The following ANTXRL variants were observed in gnomAD, a reference collection of about 807,000 sequenced individuals.
The protein encoded by ANTXRL is anthrax toxin receptor-like.
A neutral mutation model predicts 75.4 loss-of-function variants in ANTXRL; 63 were observed. The observed-to-expected ratio is 0.84, with a 90% CI of 0.68 to 1.03. The LOEUF is 1.03. ANTXRL is among the 50% of genes least tolerant of loss of function. The pLI is 0.00. For missense variants in ANTXRL, 797 were observed against 789.4 expected (o/e 1.01, Z -0.12); for synonymous variants, 335 against 291.3 (o/e 1.15, Z -1.53).
Position 46,287,126 on chromosome 10 carries a change from G to A in ANTXRL, c.-137G>A. 1.8e-6 allele frequency: 2 copies of A among 1,131,442 alleles called. No individual in the cohort carries two copies. Among genetic ancestry groups the A allele is most frequent in the African/African-American group, 1.6e-5 (1 of 63,626 alleles). The allele number at this position is 1,131,442 out of a possible 1,614,324, so 70.1% of individuals were successfully genotyped here. Reference sequence around the variant, plus strand: ...GGTACCTGGTGGAGGGCCATAGTGTGCACTGGTGAAAGGGCAGGAGGAGGG... The same window carrying A: ...GGTACCTGGTGGAGGGCCATAGTGTACACTGGTGAAAGGGCAGGAGGAGGG... On this transcript the variant is annotated 5_prime_UTR_variant, in exon 1 of 17. Coordinates refer to ENST00000620264, the MANE Select transcript of ANTXRL (RefSeq NM_001278688.3).
chr10:46,287,139 G>T lies in ANTXRL; in HGVS notation c.-124G>T. Reference sequence around the variant, plus strand: ...GGGCCATAGTGTGCACTGGTGAAAGGGCAGGAGGAGGGGTGTGGCCCCGGG... The same window carrying T: ...GGGCCATAGTGTGCACTGGTGAAAGTGCAGGAGGAGGGGTGTGGCCCCGGG... On this transcript the variant is annotated 5_prime_UTR_variant, in exon 1 of 17. Coordinates refer to ENST00000620264, the MANE Select transcript of ANTXRL (RefSeq NM_001278688.3). 1 of 1,274,118 alleles carries T rather than the reference G, an allele frequency of 7.8e-7. No individual in the cohort carries two copies. The allele number at this position is 1,274,118 out of a possible 1,614,324, so 78.9% of individuals were successfully genotyped here.
chr10:46,302,451 C>T (rs534114340), intron 9 of ANTXRL, among the ~76,000 whole-genome samples: 1 of 152,260 alleles, frequency 6.6e-6, no homozygotes, highest in Admixed American at 6.5e-5. Context: ...TGTGCAAGGA[C>T]CAAGGCCTTT....
chr10:46,294,799 A>G (rs1228551626), intron 3 of ANTXRL, among the ~76,000 whole-genome samples: 2 of 151,446 alleles, frequency 1.3e-5, no homozygotes, highest in African/African-American at 4.9e-5. Context: ...TCTTCTGGGT[A>G]TGGATGGGTC....
chr10:46,314,961 T>A (rs1258218472), intron 16 of ANTXRL, among the ~76,000 whole-genome samples: 1 of 152,150 alleles, frequency 6.6e-6, no homozygotes, highest in Non-Finnish European at 1.5e-5. Context: ...TTTGACCTTG[T>A]GCTTCCCAAC....
chr10:46,315,017 G>A (rs1554964403), intron 16 of ANTXRL, among the ~76,000 whole-genome samples: 1 of 152,180 alleles, frequency 6.6e-6, no homozygotes, highest in Non-Finnish European at 1.5e-5. Flanking sequence ...ATTTCTGTCG[G>A]ATACCCAAGA....
intron 3 of ANTXRL, among the ~76,000 whole-genome samples, chr10:46,295,343 C>T (rs1228221801): frequency 3.3e-5 from 5 of 152,142 alleles, no homozygotes; most frequent in Non-Finnish European, 5.9e-5. Flanking sequence ...AACACAACAG[C>T]GTCCTTGTTA....
intron 2 of ANTXRL, among the ~76,000 whole-genome samples, chr10:46,293,358 GC>G (rs1837130849): frequency 6.7e-6 from 1 of 148,650 alleles, no homozygotes; most frequent in African/African-American, 2.5e-5. Context: ...GCATGTGTGT[GC>G]ATGTGAGTGT....
At chr10:46,303,336 C>A (rs1443474189) in intron 10 of ANTXRL, among the ~76,000 whole-genome samples, 4 of 152,188 alleles carry the variant, frequency 2.6e-5, no homozygotes, top group African/African-American at 9.7e-5. Flanking sequence ...TCACCTTGAC[C>A]AGATGAGTGT....
intron 16 of ANTXRL, among the ~76,000 whole-genome samples, chr10:46,318,132 G>A (rs782476295): frequency 2.0e-5 from 3 of 152,114 alleles, no homozygotes; most frequent in Admixed American, 6.6e-5. Flanking sequence ...GTTAGTGCCC[G>A]GGGTCCTGCT....
rs369567685 is a variant in ANTXRL, at chr10:46,294,019, G to A, written c.392+119G>A. ...AGCCTGACAGCACACAGGGCAGGCC[G>A]GTCAGGGCAACTCACAGTACCCACC... On this transcript the variant is annotated intron_variant, in intron 3 of 16. Transcript: ENST00000620264. 314 of 924,000 alleles carry A rather than the reference G, an allele frequency of 3.4e-4. No homozygotes were observed. The African/African-American group carries it at 4.4e-3, about 13-fold the overall frequency. 57.2% of individuals were successfully genotyped at this position (924,000 alleles called of 1,614,324 possible). A position where few individuals can be genotyped will look rare whatever the true frequency, so the allele number is the denominator to read the frequency against.
At chr10:46,315,678 G>A (rs1282598501) in intron 16 of ANTXRL, among the ~76,000 whole-genome samples, 1 of 152,158 alleles carries the variant, frequency 6.6e-6, no homozygotes, top group Non-Finnish European at 1.5e-5. Context: ...TGATAAGCTC[G>A]GGAAGTTGAT....
intron 1 of ANTXRL, among the ~76,000 whole-genome samples, chr10:46,288,524 A>G (rs1256947178): frequency 6.6e-6 from 1 of 151,972 alleles, no homozygotes; most frequent in Non-Finnish European, 1.5e-5. Flanking sequence ...ACCAATTCCC[A>G]TGGTTTCTGA....
chr10:46,306,125 A>G (rs1430357061), intron 10 of ANTXRL, among the ~76,000 whole-genome samples: 2 of 151,988 alleles, frequency 1.3e-5, no homozygotes, highest in African/African-American at 2.4e-5. Flanking sequence ...GGCACATGCC[A>G]CTCTCTCAGC....
intron 15 of ANTXRL, among the ~76,000 whole-genome samples, chr10:46,312,665 A>T (rs1838495482): frequency 6.8e-6 from 1 of 147,180 alleles, no homozygotes; most frequent in African/African-American, 2.5e-5. Flanking sequence ...CTGCCTTGCA[A>T]CACACGGCCC....
intron 1 of ANTXRL, among the ~76,000 whole-genome samples, chr10:46,288,188 G>A (rs1444768937): frequency 6.6e-6 from 1 of 152,112 alleles, no homozygotes; most frequent in Admixed American, 6.5e-5. Flanking sequence ...TGCTCCTCCT[G>A]CTGGGTGGTA....
intron 16 of ANTXRL, among the ~76,000 whole-genome samples, chr10:46,321,947 G>C (rs1411858378): frequency 6.6e-6 from 1 of 152,118 alleles, no homozygotes; most frequent in Non-Finnish European, 1.5e-5. Flanking sequence ...TTTTCCAGAA[G>C]ACAGAGGGCT....
At chr10:46,328,075 G>C (rs1301089127) in intron 16 of ANTXRL, among the ~76,000 whole-genome samples, 3 of 152,166 alleles carry the variant, frequency 2.0e-5, no homozygotes, top group Non-Finnish European at 4.4e-5. Flanking sequence ...GGCACATCTA[G>C]AAGGACAGGG....
chr10:46,302,895 C>T (rs1421560237), intron 10 of ANTXRL, 75 bp downstream of exon 10: 21 of 1,193,672 alleles, frequency 1.8e-5, no homozygotes, highest in Non-Finnish European at 2.5e-5. Context: ...CCAGCCAAGC[C>T]TCCCAGCCCT....
rs141572480 is a variant in ANTXRL, at chr10:46,309,137, T to G, written c.1069T>G (p.Phe357Val). The G allele has an allele frequency of 1.2e-4, 190 of 1,535,714 alleles. 1 individual carries two copies. In the Middle Eastern group the frequency reaches 1.5e-3, roughly 12 times the overall value. Residue 357 changes from phenylalanine to valine, a missense_variant, in exon 13 of 17, where the codon TTT becomes GTT. This residue lies in a region of ANTXRL where 479 missense variants were observed against 422.0 expected (regional missense o/e 1.14). Transcript: ENST00000620264. ...GGGCATTTTCCGCAACTGGCTCTAT[T>G]TTGTGCCACTCCTGCTGCTTGTGCC... ...TCGIFRNWLY[F>V]VPLLLLVPLL...
Sources: gnomAD v4.1 joint callset for allele counts (sites outside exome capture counted in the v4.1 genomes callset) on GRCh38, gnomAD v4.1.1 for gene constraint, gnomAD v4.1.1 regional missense constraint, MANE v1.5 for transcripts, NCBI Gene and HGNC (gene_info 2026-07-23, HGNC 2026-07-21) for gene names.